Variants in RESP18 observed in about 807,000 individuals in gnomAD.
RESP18 encodes regulated endocrine-specific protein 18.
RESP18 carries 30 observed loss-of-function variants against 30.0 expected under a neutral mutation model. The observed-to-expected ratio is 1.00, with a 90% CI of 0.75 to 1.36. The LOEUF (loss-of-function observed/expected upper bound fraction) is 1.36, where lower values mean the gene tolerates loss of function less well. Among genes scored for constraint, RESP18 ranks in the 40% most tolerant of loss-of-function variants. The pLI, the probability that RESP18 is intolerant of heterozygous loss-of-function variation, is 0.00. For missense variants in RESP18, 320 were observed against 284.2 expected, an observed-to-expected ratio of 1.13 and a Z score of -0.91; for synonymous variants, 117 against 111.2, an observed-to-expected ratio of 1.05 and a Z score of -0.33.
chr2:219,329,640 A>G lies in RESP18; in HGVS notation c.462T>C (p.Thr154=), dbSNP rs1952808850. 1 of 1,551,366 alleles carries G rather than the reference A, an allele frequency of 6.4e-7. No homozygotes were observed. The highest frequency in any genetic ancestry group is 8.7e-7 in the Non-Finnish European group (1 of 1,146,934). Residue 154 remains threonine, a synonymous_variant, in exon 4 of 7, where the codon ACT becomes ACC. Transcript: ENST00000333527. ...CCACAGGCCTCATGCACCTCACCTCAGTGGTTTTAGTGGGGAAAAGTGCCT... is the reference window on the plus strand; with the variant it reads ...CCACAGGCCTCATGCACCTCACCTCGGTGGTTTTAGTGGGGAAAAGTGCCT...
chr2:219,329,320 A>G (rs1467571822), intron 4 of RESP18, 68 bp from the exon 4 acceptor site: 13 of 1,551,754 alleles, frequency 8.4e-6, no homozygotes, highest in Admixed American at 2.0e-5. Context: ...CAGGAAAAGC[A>G]ATTGGATACA....
intron 5 of RESP18, 35 bp from the exon 5 acceptor site, chr2:219,329,043 T>G (rs1278980223): frequency 1.3e-6 from 2 of 1,514,920 alleles, no homozygotes; most frequent in Admixed American, 3.9e-5. Flanking sequence ...TACCTTTGAT[T>G]AGGAATGGAA....
Position 219,329,210 on chromosome 2 carries a change from C to G in RESP18, c.508G>C (p.Glu170Gln), listed in dbSNP as rs183914238. The change falls in exon 5 of 7, where the codon GAA (glutamate) becomes CAA (glutamine). Residue 170 changes from glutamate to glutamine, a missense_variant. Glu to Gln is a conservative substitution (Grantham distance 29). Coordinates refer to ENST00000333527, the MANE Select transcript of RESP18 (RefSeq NM_001007089.4). Reference sequence around the variant, plus strand: ...TGTTTCAGGGCCTTAGAAACCACTTCGGAGGTAAAGCACTGATCCCTGTTC... The same window carrying G: ...TGTTTCAGGGCCTTAGAAACCACTTGGGAGGTAAAGCACTGATCCCTGTTC... 1.2e-5 allele frequency: 18 copies of G among 1,551,646 alleles called. No individual in the cohort carries two copies. Among genetic ancestry groups the G allele is most frequent in the Middle Eastern group, 3.3e-4 (2 of 5,992 alleles).
intron 3 of RESP18, among the ~76,000 whole-genome samples, chr2:219,330,024 T>C (rs1411123212): frequency 6.6e-6 from 1 of 152,180 alleles, no homozygotes; most frequent in African/African-American, 2.4e-5. Flanking sequence ...GCTTAGAAAA[T>C]GCTAAGGCAG....
chr2:219,330,665 A>T, intron 3 of RESP18, 106 bp downstream of exon 2: 1 of 692,076 alleles, frequency 1.4e-6, no homozygotes. Context: ...AGTTTTAAGT[A>T]GAGACATTTG....
intron 6 of RESP18, among the ~76,000 whole-genome samples, chr2:219,328,454 C>T (rs984989467): frequency 1.3e-5 from 2 of 150,102 alleles, no homozygotes; most frequent in Admixed American, 1.3e-4. Flanking sequence ...AAAAAAAAAC[C>T]TCTTTTTTCA....
chr2:219,329,329 C>T, intron 4 of RESP18, 77 bp from the exon 4 acceptor site: 2 of 1,551,748 alleles, frequency 1.3e-6, no homozygotes, highest in East Asian at 4.9e-5. Context: ...CAATTGGATA[C>T]AAAGTCAGGG....
chr2:219,329,211 G>A lies in RESP18; in HGVS notation c.507C>T (p.Ser169=), dbSNP rs149876121. ...GTTTCAGGGCCTTAGAAACCACTTC[G>A]GAGGTAAAGCACTGATCCCTGTTCA... is the stretch of plus-strand genomic sequence containing the variant. The change falls in exon 5 of 7, where the codon TCC becomes TCT. Residue 169 remains serine, a synonymous_variant. Coordinates refer to ENST00000333527, the MANE Select transcript of RESP18 (RefSeq NM_001007089.4). The A allele has an allele frequency of 5.3e-5, 82 of 1,551,658 alleles. No homozygotes were observed. Among genetic ancestry groups the A allele is most frequent in the African/African-American group, 1.2e-4 (9 of 73,146 alleles).
Position 219,332,578 on chromosome 2 carries a change from A to G in RESP18, c.178T>C (p.Cys60Arg). Residue 60 changes from cysteine (C) to arginine (R), a missense_variant, in exon 2 of 7, where the codon TGC becomes CGC. Physicochemically the swap from Cys to Arg is radical, Grantham distance 180 (BLOSUM62 -3). Transcript: ENST00000333527. ...GGGCAGCTGTTCAGCAGCAGGAAGC[A>G]GACAAGCAGCTGGAGCCCCTCGGAG... The G allele has an allele frequency of 3.2e-6, 5 of 1,551,462 alleles. No homozygotes were observed. Among genetic ancestry groups the G allele is most frequent in the Non-Finnish European group, 4.4e-6 (5 of 1,146,982 alleles).
At chr2:219,330,534 TG>T (rs59436564) in intron 3 of RESP18, among the ~76,000 whole-genome samples, 2,362 of 120,180 alleles carry the variant, frequency 0.02, 79 homozygotes, top group African/African-American at 0.13. Context: ...TTTTCAGTTT[TG>T]TTTTTTTTTT....
chr2:219,330,533 TTG>T (rs1441279095), intron 3 of RESP18, among the ~76,000 whole-genome samples: 6,170 of 130,466 alleles, frequency 0.047, 442 homozygotes, highest in African/African-American at 0.23. Flanking sequence ...GTTTTCAGTT[TTG>T]TTTTTTTTTT....
rs1559314607 is a variant in RESP18, at chr2:219,327,434, C to G, written c.*83G>C. On this transcript the variant is annotated 3_prime_UTR_variant, in exon 7 of 7. Transcript: ENST00000333527. The stretch of plus-strand genomic sequence containing the variant: ...TGCATGAGAGTCTACTTTAATGATT[C>G]AAATCTGGGTCATCCAAGAACTGCT... The G allele has an allele frequency of 1.6e-6, 2 of 1,255,388 alleles. No homozygotes were observed. Among genetic ancestry groups the G allele is most frequent in the East Asian group, 5.1e-5 (2 of 39,544 alleles). 77.8% of individuals were successfully genotyped at this position (1,255,388 alleles called of 1,614,324 possible).
In RESP18 at chr2:219,329,025, A is replaced by AT. The variant is rs758721956; in HGVS notation, c.556-18dup. On this transcript the variant is annotated splice_polypyrimidine_tract_variant and intron_variant, in intron 5 of 6. Coordinates refer to ENST00000333527, the MANE Select transcript of RESP18 (RefSeq NM_001007089.4). ...ATAGGTAATCTGAGAGATACAGGAA[A>AT]TTAGAAGTACCTTTGATTAGGAATG... The AT allele has an allele frequency of 6.5e-7, 1 of 1,537,022 alleles. No individual in the cohort carries two copies. The highest frequency in any genetic ancestry group is 1.2e-5 in the South Asian group (1 of 83,712).
intron 2 of RESP18, 82 bp from the exon 2 acceptor site, chr2:219,330,957 C>A: frequency 1.3e-6 from 1 of 795,798 alleles, no homozygotes; most frequent in Non-Finnish European, 2.2e-6. Context: ...CTTCCTTGTA[C>A]TGTCACTCCT....
At chr2:219,331,034 C>A in intron 2 of RESP18, 159 bp from the exon 2 acceptor site, 1 of 581,992 alleles carries the variant, frequency 1.7e-6, no homozygotes. Flanking sequence ...TAATTTTTCC[C>A]TTCCTCCATC....
intron 6 of RESP18, 22 bp from the exon 6 acceptor site, chr2:219,327,585 G>T: frequency 6.5e-7 from 1 of 1,550,156 alleles, no homozygotes; most frequent in Non-Finnish European, 8.7e-7. Context: ...AGAAACAAGG[G>T]AGCTAGAGTC....
At chr2:219,327,629 C>T in intron 6 of RESP18, 66 bp from the exon 6 acceptor site, 1 of 1,329,292 alleles carries the variant, frequency 7.5e-7, no homozygotes, top group Admixed American at 2.0e-5. Context: ...CCTCATCTGC[C>T]CTCCTTCCAC....
intron 2 of RESP18, among the ~76,000 whole-genome samples, chr2:219,331,980 C>T (rs1199134809): frequency 2.0e-5 from 3 of 152,208 alleles, no homozygotes; most frequent in Non-Finnish European, 2.9e-5. Context: ...ATGCGCTCTG[C>T]GCAGGAGTTC....
At chr2:219,330,444 T>TG (rs34854675) in intron 3 of RESP18, among the ~76,000 whole-genome samples, 73 of 152,068 alleles carry the variant, frequency 4.8e-4, no homozygotes, top group Admixed American at 1.4e-3. Context: ...TCTGAGAACT[T>TG]GAAGAGTCCT....
Sources: allele counts gnomAD v4.1 joint callset (sites outside exome capture counted in the v4.1 genomes callset), GRCh38; gene constraint gnomAD v4.1.1; transcripts MANE v1.5; gene names NCBI Gene and HGNC (gene_info 2026-07-23, HGNC 2026-07-21).